PTPRH: variants seen among roughly 807,000 people sequenced by gnomAD.
PTPRH encodes the protein receptor-type tyrosine-protein phosphatase H.
Under a neutral mutation model 130.2 loss-of-function variants are expected in PTPRH, and 113 were observed. The ratio of observed to expected loss-of-function variants is 0.87; its 90% CI spans 0.75 to 1.01. The LOEUF is 1.01. PTPRH is among the 50% of genes least tolerant of loss of function. PTPRH has a pLI of 0.00. For missense variants in PTPRH, 1,430 were observed against 1,425.0 expected, an observed-to-expected ratio of 1.00 and a Z score of -0.06; for synonymous variants, 556 against 577.9, an observed-to-expected ratio of 0.96 and a Z score of 0.54.
At chr19:55,198,239 G>A (rs1477916488) in intron 8 of PTPRH, among the ~76,000 whole-genome samples, 1 of 152,088 alleles carries the variant, frequency 6.6e-6, no homozygotes, top group Non-Finnish European at 1.5e-5. Context: ...AATGAACCTA[G>A]TCTCCAGAGT....
chr19:55,186,183 G>A (rs1280751580), intron 16 of PTPRH, 42 bp downstream of exon 16: 1 of 1,587,534 alleles, frequency 6.3e-7, no homozygotes, highest in South Asian at 1.1e-5. Context: ...GTTCGGGGCG[G>A]GGTCCTGCAC....
chr19:55,187,584 T>C lies in PTPRH; in HGVS notation c.2495A>G (p.His832Arg). 1 of 1,612,912 alleles carries C rather than the reference T, an allele frequency of 6.2e-7. No homozygotes were observed. Among genetic ancestry groups the C allele is most frequent in the East Asian group, 2.2e-5 (1 of 44,802 alleles). ...CGAAGCCACCATCTGAGACTGGCTG[T>C]GGCCCACCAGGGAGAGTTGCTGGGG... The part of the protein sequence containing the change: ...DEYQQLSLVG[H>R]SQSQMVASAS... The change falls in exon 14 of 20, where the codon CAC becomes CGC. Residue 832 changes from histidine (H) to arginine (R), a missense_variant. Physicochemically the swap from His to Arg is conservative, Grantham distance 29. Transcript: ENST00000376350.
intron 14 of PTPRH, among the ~76,000 whole-genome samples, 153 bp downstream of exon 14, chr19:55,187,360 A>AAG (rs1568895000): frequency 1.8e-5 from 2 of 109,122 alleles, no homozygotes; most frequent in African/African-American, 8.9e-5. Context: ...AAAAAAAAAA[A>AAG]GAAAAAAAGA....
intron 16 of PTPRH, 99 bp downstream of exon 16, chr19:55,186,126 C>T: frequency 6.4e-7 from 1 of 1,570,376 alleles, no homozygotes; most frequent in Non-Finnish European, 8.7e-7. Context: ...TGGGGTTACC[C>T]TGGAGGAATC....
chr19:55,200,335 T>C lies in PTPRH; in HGVS notation c.1321A>G (p.Thr441Ala), dbSNP rs533143028. 6.2e-7 allele frequency: 1 copy of C among 1,614,196 alleles called. No homozygotes were observed. The highest frequency in any genetic ancestry group is 1.1e-5 in the South Asian group (1 of 91,082). Residue 441 changes from threonine to alanine, a missense_variant, in exon 7 of 20, where the codon ACA becomes GCA. Coordinates refer to ENST00000376350, the MANE Select transcript of PTPRH (RefSeq NM_002842.5). ...GTTCCGGGCTCAAGTCTCTCAGCTG[T>C]CACACTGGTATTTGTTGTGTTTCGG... Reference protein sequence around the residue: ...ETRNTTNTSVTAERLEPGTLY... With the variant: ...ETRNTTNTSVAAERLEPGTLY...
Position 55,194,063 on chromosome 19 carries a change from T to A in PTPRH, c.2258-2322A>T. ...CAGGGTTTCTCCATGTTCGTCAGGCTGGTCTCGAACTCCCAACCACAGGTG... is the reference window on the plus strand; with the variant it reads ...CAGGGTTTCTCCATGTTCGTCAGGCAGGTCTCGAACTCCCAACCACAGGTG... On this transcript the variant is annotated intron_variant, in intron 10 of 19. Coordinates refer to ENST00000376350, the MANE Select transcript of PTPRH (RefSeq NM_002842.5). 3 of 831,482 alleles carry A rather than the reference T, an allele frequency of 3.6e-6. No individual in the cohort carries two copies. The South Asian group carries it at 4.7e-5, about 13-fold the overall frequency. The allele number at this position is 831,482 out of a possible 1,614,324, so 51.5% of individuals were successfully genotyped here.
At chr19:55,186,613 G>T in intron 14 of PTPRH, 73 bp from the exon 15 acceptor site, 1 of 1,531,820 alleles carries the variant, frequency 6.5e-7, no homozygotes, top group Non-Finnish European at 9.0e-7. Context: ...CAGGCAGAGA[G>T]ACCCAGAGAG....
rs758923596 is a variant in PTPRH, at chr19:55,206,911, T to G, written c.130A>C (p.Ser44Arg). ...RNLTVETQTT[S>R]SISLSWEVPD... is the part of the protein sequence containing the mutation. ...ACCTCCCAGCTCAGGGAGATGGAGC[T>G]GGTGGTCTGAGTCTCCACTGTCAGG... The change falls in exon 3 of 20, where the codon AGC (serine) becomes CGC (arginine). Residue 44 changes from serine (S) to arginine (R), a missense_variant. Coordinates refer to ENST00000376350, the MANE Select transcript of PTPRH (RefSeq NM_002842.5). The G allele has an allele frequency of 3.1e-6, 5 of 1,611,750 alleles. No homozygotes were observed. The South Asian group carries it at 5.5e-5, about 18-fold the overall frequency.
rs541105736 is a variant in PTPRH, at chr19:55,204,213, G to T, written c.620-165C>A. On this transcript the variant is annotated intron_variant, in intron 4 of 19. Coordinates refer to ENST00000376350, the MANE Select transcript of PTPRH (RefSeq NM_002842.5). The stretch of plus-strand genomic sequence containing the variant: ...CGGCTCACCACAGCCTCCGCCGTCC[G>T]GGTTCAAGCGATTCTCCTGCCTCAG... Among the ~76,000 whole-genome samples the T allele has an allele frequency of 4.0e-4, 61 of 152,226 alleles. 1 individual carries two copies. Among genetic ancestry groups the T allele is most frequent in the African/African-American group, 1.4e-3 (59 of 41,536 alleles).
Position 55,206,972 on chromosome 19 carries a change from A to C in PTPRH, c.86-17T>G. 3 of 1,574,388 alleles carry C rather than the reference A, an allele frequency of 1.9e-6. No homozygotes were observed. The highest frequency in any genetic ancestry group is 8.6e-7 in the Non-Finnish European group (1 of 1,158,256). ...GGTTGGGGGCTGAGAATTGGGAAGGAAGGTCTGACAAAAAGGGAACCAGGT... is the reference window on the plus strand; with the variant it reads ...GGTTGGGGGCTGAGAATTGGGAAGGCAGGTCTGACAAAAAGGGAACCAGGT... On this transcript the variant is annotated splice_polypyrimidine_tract_variant and intron_variant, in intron 2 of 19. Coordinates refer to ENST00000376350, the MANE Select transcript of PTPRH (RefSeq NM_002842.5).
chr19:55,183,147 G>A (rs1350881256), intron 18 of PTPRH, among the ~76,000 whole-genome samples: 1 of 148,044 alleles, frequency 6.8e-6, no homozygotes, highest in East Asian at 2.1e-4. Context: ...TGTAATCCCA[G>A]CACTTTGGGA....
At chr19:55,207,268 T>TCCCTGGGCCGA in intron 1 of PTPRH, 69 bp from the exon 2 acceptor site, 1 of 1,545,268 alleles carries the variant, frequency 6.5e-7, no homozygotes, top group Non-Finnish European at 8.8e-7. Context: ...GCCGAGGGGC[T>TCCCTGGGCCGA]GGGAGGAGCG....
At position 55,185,911 on chromosome 19, in the gene PTPRH, C is replaced by T. The variant is rs61734259; in HGVS notation, c.2852G>A (p.Gly951Asp). ...CGTCCAGTTCTCCATCACTTCCTCA[C>T]CTACCAGGGTTACCCGCAGGTGCCC... ...THGHLRVTLV[G>D]EEVMENWTVR... is the part of the protein sequence containing the mutation. Residue 951 changes from glycine (G) to aspartate (D), a missense_variant, in exon 17 of 20, where the codon GGT becomes GAT. By Grantham distance (94) the Gly-to-Asp change is moderately conservative (BLOSUM62 -1). Transcript: ENST00000376350. 153,148 of 1,614,044 alleles carry T rather than the reference C, an allele frequency of 0.095. 7,920 individuals carry two copies. The highest frequency in any genetic ancestry group is 0.17 in the Middle Eastern group (1,043 of 6,062).
chr19:55,202,511 G>A lies in PTPRH; in HGVS notation c.887-189C>T, dbSNP rs1008827731. Among the ~76,000 whole-genome samples the A allele has an allele frequency of 1.3e-4, 20 of 152,028 alleles. 1 individual carries two copies. The highest frequency in any genetic ancestry group is 3.9e-4 in the African/African-American group (16 of 41,414). The stretch of plus-strand genomic sequence containing the variant: ...TGGCTTTTGTGAAATGAGATGAGCC[G>A]TTAGTGTAAGATCCACACCGGCTTT... On this transcript the variant is annotated intron_variant, in intron 5 of 19. Coordinates refer to ENST00000376350, the MANE Select transcript of PTPRH (RefSeq NM_002842.5).
At chr19:55,205,281 C>T (rs2122314384) in intron 4 of PTPRH, 45 bp downstream of exon 4, 2 of 1,609,692 alleles carry the variant, frequency 1.2e-6, no homozygotes, top group Non-Finnish European at 1.7e-6. Flanking sequence ...CTGCCTACTG[C>T]CCCTTAAACA....
chr19:55,197,074 C>G (rs751109274), intron 9 of PTPRH, 43 bp downstream of exon 9: 1 of 1,602,636 alleles, frequency 6.2e-7, no homozygotes. Context: ...GGACTGTGAG[C>G]TAAGCCCAGT....
Position 55,209,355 on chromosome 19 carries a change from G to A in PTPRH, c.51+28C>T, listed in dbSNP as rs2087168724. The A allele has an allele frequency of 2.6e-6, 4 of 1,556,930 alleles. No homozygotes were observed. ...TCAGACCTGGGAGTCCCTGCCTTGG[G>A]AGCCCGCTCTGGGCGGGGAGCACTT... On this transcript the variant is annotated intron_variant, in intron 1 of 19. Transcript: ENST00000376350. The surrounding 1 kb of genome is among the most constrained non-coding windows in gnomAD (Gnocchi z 4.1).
chr19:55,193,198 A>C, intron 10 of PTPRH, among the ~76,000 whole-genome samples: 1 of 151,386 alleles, frequency 6.6e-6, no homozygotes. Flanking sequence ...ACTGCACTCC[A>C]GACTGGGTGA....
intron 10 of PTPRH, among the ~76,000 whole-genome samples, chr19:55,194,704 G>T (rs570151554): frequency 6.6e-6 from 1 of 152,116 alleles, no homozygotes; most frequent in African/African-American, 2.4e-5. Flanking sequence ...AATAAAACCC[G>T]GGGTGGGGGG....
Sources: allele counts gnomAD v4.1 joint callset (sites outside exome capture counted in the v4.1 genomes callset), GRCh38; gene constraint gnomAD v4.1.1; non-coding constraint Gnocchi (gnomAD v3.1); transcripts MANE v1.5; gene names NCBI Gene and HGNC (gene_info 2026-07-23, HGNC 2026-07-21).